NXN: variants seen among roughly 807,000 people sequenced by gnomAD.
NXN encodes nucleoredoxin, also known as nucleoredoxin 1.
NXN carries 16 observed loss-of-function variants against 48.6 expected under a neutral mutation model. The observed-to-expected ratio is 0.33, with a 90% CI of 0.22 to 0.50. The LOEUF is 0.50. Among genes scored for constraint, NXN ranks in the 20% least tolerant of loss-of-function variants. NXN has a pLI of 0.98. For synonymous variants in NXN, 281 were observed against 269.6 expected, an observed-to-expected ratio of 1.04 and a Z score of -0.41; for missense variants, 492 against 605.5, an observed-to-expected ratio of 0.81 and a Z score of 1.97.
intron 5 of NXN, among the ~76,000 whole-genome samples, chr17:811,997 G>T (rs58176673): frequency 7.0e-6 from 1 of 142,276 alleles, no homozygotes; most frequent in Non-Finnish European, 1.5e-5. Flanking sequence ...GCAAGATCTC[G>T]GCTCACTGCA....
chr17:832,635 T>C (rs971177280), intron 1 of NXN, among the ~76,000 whole-genome samples: 1 of 152,162 alleles, frequency 6.6e-6, no homozygotes, highest in Non-Finnish European at 1.5e-5. Context: ...GTAGAAGAGT[T>C]GTAACACCTC....
At position 963,214 on chromosome 17, in the gene NXN, G is replaced by GACACACACACACACACAC. The variant is rs58535607; in HGVS notation, c.360+16087_360+16104dup. On this transcript the variant is annotated intron_variant, in intron 1 of 7. Transcript: ENST00000336868. ...AAAAAAAGGTATAGGTACTGGGACGGACACACACACACACACACACACACA... is the reference window on the plus strand; with the variant it reads ...AAAAAAAGGTATAGGTACTGGGACGGACACACACACACACACACACACACACACACACACACACACACA... Among the ~76,000 whole-genome samples the GACACACACACACACACAC allele has an allele frequency of 5.2e-3, 742 of 142,900 alleles. 14 individuals are homozygous for GACACACACACACACACAC. The East Asian group carries it at 0.073, about 14-fold the overall frequency. The allele number at this position is 142,900 out of a possible 152,430, so 93.7% of individuals were successfully genotyped here.
intron 1 of NXN, among the ~76,000 whole-genome samples, chr17:850,077 C>T (rs1350570660): frequency 1.3e-5 from 2 of 149,100 alleles, no homozygotes; most frequent in African/African-American, 2.4e-5. Context: ...TCCTCGTAAA[C>T]AACTCCTAAC....
In NXN at chr17:848,024, G is replaced by A. The variant is rs756885393; in HGVS notation, c.361-21946C>T. ...AAAGTTGTTACAAAACGGGGCGAGT[G>A]AAGGATCGAAGATGAAACACTACGA... On this transcript the variant is annotated intron_variant, in intron 1 of 7. Coordinates refer to ENST00000336868, the MANE Select transcript of NXN (RefSeq NM_022463.5). 3.3e-5 allele frequency among the ~76,000 whole-genome samples: 5 copies of A among 152,068 alleles called. No individual in the cohort carries two copies. In the South Asian group the frequency reaches 6.2e-4, roughly 19 times the overall value.
In NXN at chr17:955,253, C is replaced by T. The variant is rs141707252; in HGVS notation, c.360+24066G>A. On this transcript the variant is annotated intron_variant, in intron 1 of 7. Transcript: ENST00000336868. ...TATGTTCTCAGCTCACTGCAACCTC[C>T]GCCTCCCGGGTTCAAGCGATTCTCC... 9.3e-3 allele frequency among the ~76,000 whole-genome samples: 1,406 copies of T among 150,926 alleles called. 22 individuals are homozygous for T. Among genetic ancestry groups the T allele is most frequent in the African/African-American group, 0.033 (1,354 of 41,068 alleles).
At chr17:845,548 C>T (rs1276883325) in intron 1 of NXN, among the ~76,000 whole-genome samples, 6 of 152,332 alleles carry the variant, frequency 3.9e-5, no homozygotes, top group Admixed American at 3.3e-4. Context: ...CCTCATAAGA[C>T]GAGGCCCTTC....
At chr17:962,696 C>T (rs1405527753) in intron 1 of NXN, among the ~76,000 whole-genome samples, 1 of 152,178 alleles carries the variant, frequency 6.6e-6, no homozygotes, top group Non-Finnish European at 1.5e-5. Flanking sequence ...TTGCCTAATA[C>T]TAGTCCCCCA....
At chr17:973,494 TTAATAG>T (rs1308667796) in intron 1 of NXN, among the ~76,000 whole-genome samples, 4 of 152,162 alleles carry the variant, frequency 2.6e-5, no homozygotes, top group Middle Eastern at 3.2e-3. Context: ...AAAGGGTAAC[TTAATAG>T]TAACTTAAAT....
Position 800,940 on chromosome 17 carries a change from G to A in NXN, c.*9C>T, listed in dbSNP as rs187249999. ...GTTTTAAATAACGTCTCAGGAGGCC[G>A]GAGCCACGCTAGATGGGCTCCGGTT... On this transcript the variant is annotated 3_prime_UTR_variant, in exon 8 of 8. Transcript: ENST00000336868. 82 of 1,431,044 alleles carry A rather than the reference G, an allele frequency of 5.7e-5. No individual in the cohort carries two copies. In the South Asian group the frequency reaches 6.3e-4, roughly 11 times the overall value. 88.6% of individuals were successfully genotyped at this position (1,431,044 alleles called of 1,614,324 possible). A position where few individuals can be genotyped will look rare whatever the true frequency, so the allele number is the denominator to read the frequency against.
intron 2 of NXN, among the ~76,000 whole-genome samples, chr17:824,269 G>A (rs374197966): frequency 0.012 from 1,881 of 151,760 alleles, 34 homozygotes; most frequent in African/African-American, 0.042. Context: ...GGATGGCCTC[G>A]ATCTCCTGAC....
intron 1 of NXN, among the ~76,000 whole-genome samples, chr17:925,641 A>G (rs920733617): frequency 6.6e-6 from 1 of 152,310 alleles, no homozygotes. Flanking sequence ...CGCCCGCCTC[A>G]GTCTCCCAAA....
chr17:823,790 A>T, intron 2 of NXN, 25 bp from the exon 3 acceptor site: 1 of 1,613,940 alleles, frequency 6.2e-7, no homozygotes, highest in Middle Eastern at 1.6e-4. Context: ...AGATGGTAAA[A>T]GAGGGCTTAG....
At chr17:880,285 CTCTT>C (rs2074069332) in intron 1 of NXN, among the ~76,000 whole-genome samples, 1 of 152,194 alleles carries the variant, frequency 6.6e-6, no homozygotes, top group Middle Eastern at 3.4e-3. Context: ...AGGGAGGCGT[CTCTT>C]TATTTCCTTG....
Position 819,436 on chromosome 17 carries a change from T to C in NXN, c.820+3A>G, listed in dbSNP as rs1430302447. On this transcript the variant is annotated splice_donor_region_variant and intron_variant, in intron 5 of 7. Coordinates refer to ENST00000336868, the MANE Select transcript of NXN (RefSeq NM_022463.5). Reference sequence around the variant, plus strand: ...ACACGGAGCCGGGGCCTGGAGCGCCTACCTTGGATTCCGTACAGCCGGTTG... The same window carrying C: ...ACACGGAGCCGGGGCCTGGAGCGCCCACCTTGGATTCCGTACAGCCGGTTG... The C allele has an allele frequency of 5.0e-6, 8 of 1,613,228 alleles. No individual in the cohort carries two copies. The highest frequency in any genetic ancestry group is 5.9e-6 in the Non-Finnish European group (7 of 1,179,356).
intron 1 of NXN, among the ~76,000 whole-genome samples, chr17:923,186 C>CA (rs1478445043): frequency 6.6e-6 from 1 of 152,138 alleles, no homozygotes; most frequent in Non-Finnish European, 1.5e-5. Context: ...GGAATCCCGA[C>CA]ACTTTGGGAG....
rs550639035 is a variant in NXN, at chr17:868,929, G to A, written c.361-42851C>T. Reference sequence around the variant, plus strand: ...TCCAGATGCACAAAAAGGAAACCTCGGAAATCCCTGCAGCCAGAGAAAGAC... The same window carrying A: ...TCCAGATGCACAAAAAGGAAACCTCAGAAATCCCTGCAGCCAGAGAAAGAC... On this transcript the variant is annotated intron_variant, in intron 1 of 7. Transcript: ENST00000336868. Among the ~76,000 whole-genome samples the A allele has an allele frequency of 5.3e-5, 8 of 152,310 alleles. No individual in the cohort carries two copies. The South Asian group carries it at 8.3e-4, about 16-fold the overall frequency.
At chr17:840,339 ACTT>A (rs1267911973) in intron 1 of NXN, among the ~76,000 whole-genome samples, 4 of 149,960 alleles carry the variant, frequency 2.7e-5, no homozygotes, top group African/African-American at 4.9e-5. Flanking sequence ...GTGTGCAGAG[ACTT>A]CTTTTTTTTT....
intron 1 of NXN, among the ~76,000 whole-genome samples, chr17:918,105 A>C (rs1042211632): frequency 6.6e-6 from 1 of 152,156 alleles, no homozygotes; most frequent in African/African-American, 2.4e-5. Context: ...GATCCTACTA[A>C]GAAGATGGGC....
intron 5 of NXN, among the ~76,000 whole-genome samples, chr17:809,692 G>A (rs967855264): frequency 1.3e-5 from 2 of 152,210 alleles, no homozygotes; most frequent in Non-Finnish European, 2.9e-5. Flanking sequence ...GCACCAGCAG[G>A]CAAAATATTA....
Sources: gnomAD v4.1 joint callset for allele counts (sites outside exome capture counted in the v4.1 genomes callset) on GRCh38, gnomAD v4.1.1 for gene constraint, MANE v1.5 for transcripts, NCBI Gene and HGNC (gene_info 2026-07-23, HGNC 2026-07-21) for gene names.